Variants in HYDIN observed in about 807,000 individuals in gnomAD.
HYDIN encodes the protein HYDIN axonemal central pair apparatus protein.
A neutral mutation model predicts 403.9 loss-of-function variants in HYDIN; 132 were observed. The observed-to-expected ratio is 0.33, with a 90% CI of 0.28 to 0.38. The LOEUF (loss-of-function observed/expected upper bound fraction) is 0.38, where lower values mean the gene tolerates loss of function less well. Among genes scored for constraint, HYDIN ranks in the 10% least tolerant of loss-of-function variants. The pLI is 1.00. For synonymous variants in HYDIN, 1,202 were observed against 1,891.7 expected, an observed-to-expected ratio of 0.64 and a Z score of 9.46; for missense variants, 2,827 against 5,009.5, an observed-to-expected ratio of 0.56 and a Z score of 13.15.
chr16:71,030,244 G>C (rs923340333), intron 19 of HYDIN, among the ~76,000 whole-genome samples: 2 of 151,694 alleles, frequency 1.3e-5, no homozygotes, highest in South Asian at 2.1e-4. Context: ...AGATAGGGGG[G>C]TCTCCCTATG....
intron 1 of HYDIN, among the ~76,000 whole-genome samples, chr16:71,224,291 G>T (rs1459908308): frequency 6.6e-6 from 1 of 152,158 alleles, no homozygotes; most frequent in African/African-American, 2.4e-5. Context: ...CTCATTTGGG[G>T]AAGTCAGAAG....
chr16:70,843,728 T>C (rs1369797120), intron 75 of HYDIN, among the ~76,000 whole-genome samples: 18 of 40,684 alleles, frequency 4.4e-4, no homozygotes, highest in African/African-American at 2.4e-3. Context: ...TTTTAATGAT[T>C]GCCATTCTAA....
At chr16:70,981,236 C>T (rs1242635308) in intron 29 of HYDIN, among the ~76,000 whole-genome samples, 155 bp downstream of exon 29, 5 of 152,246 alleles carry the variant, frequency 3.3e-5, no homozygotes, top group Non-Finnish European at 5.9e-5. Context: ...TCGCAGTAAA[C>T]TCAGGTCACC....
intron 7 of HYDIN, among the ~76,000 whole-genome samples, chr16:71,148,504 T>C (rs560048195): frequency 1.3e-5 from 2 of 152,270 alleles, no homozygotes; most frequent in African/African-American, 4.8e-5. Flanking sequence ...AAGTCAGAAG[T>C]AAATTTAGCA....
chr16:70,878,460 A>G (rs1041033899), intron 62 of HYDIN, among the ~76,000 whole-genome samples: 1 of 133,998 alleles, frequency 7.5e-6, no homozygotes, highest in Admixed American at 7.5e-5. Flanking sequence ...TGTATAAACA[A>G]TAACAACAAC....
intron 30 of HYDIN, among the ~76,000 whole-genome samples, chr16:70,978,073 G>GGTAGC (rs2078938145): frequency 6.6e-6 from 1 of 151,944 alleles, no homozygotes; most frequent in South Asian, 2.1e-4. Flanking sequence ...CGCAGATGAT[G>GGTAGC]CACAGAAATC....
chr16:71,077,404 G>C (rs1228885141), intron 13 of HYDIN, among the ~76,000 whole-genome samples: 1 of 151,724 alleles, frequency 6.6e-6, no homozygotes, highest in Non-Finnish European at 1.5e-5. Flanking sequence ...ATATTTTCTA[G>C]TTAATCATTG....
chr16:70,928,571 G>A (rs1030737532), intron 45 of HYDIN, among the ~76,000 whole-genome samples: 1 of 146,924 alleles, frequency 6.8e-6, no homozygotes, highest in Admixed American at 6.9e-5. Context: ...TGATGGCTGA[G>A]GAAAATAAGA....
chr16:71,123,807 A>T (rs2084347250), intron 9 of HYDIN, among the ~76,000 whole-genome samples: 1 of 151,250 alleles, frequency 6.6e-6, no homozygotes, highest in South Asian at 2.1e-4. Context: ...TGATGGTTTT[A>T]TAATGGGAAA....
intron 6 of HYDIN, among the ~76,000 whole-genome samples, chr16:71,153,147 C>T (rs1460713545): frequency 6.7e-6 from 1 of 148,946 alleles, no homozygotes; most frequent in Non-Finnish European, 1.5e-5. Flanking sequence ...ACTGAGATTG[C>T]TGTAAGGAAC....
intron 29 of HYDIN, among the ~76,000 whole-genome samples, chr16:70,979,553 G>A (rs74024614): frequency 5.6e-4 from 86 of 152,306 alleles, no homozygotes; most frequent in African/African-American, 2.0e-3. Context: ...TAGGTAATCG[G>A]TGGAGAGATT....
chr16:71,224,602 C>T (rs540738305), intron 1 of HYDIN, among the ~76,000 whole-genome samples: 6 of 142,996 alleles, frequency 4.2e-5, no homozygotes, highest in African/African-American at 1.6e-4. Context: ...CGCTCTGTCG[C>T]CCAGGCTGGA....
chr16:70,990,123 C>T (rs201146177), intron 25 of HYDIN, among the ~76,000 whole-genome samples: 2 of 151,928 alleles, frequency 1.3e-5, no homozygotes, highest in Non-Finnish European at 2.9e-5. Flanking sequence ...TAGCTGGGGG[C>T]GATGTCTCAT....
intron 41 of HYDIN, among the ~76,000 whole-genome samples, 158 bp from the exon 42 acceptor site, chr16:70,944,107 C>CT (rs1338144677): frequency 6.6e-6 from 1 of 152,190 alleles, no homozygotes; most frequent in African/African-American, 2.4e-5. Flanking sequence ...CCCTGTCTTC[C>CT]TTAAAGAACC....
intron 62 of HYDIN, among the ~76,000 whole-genome samples, chr16:70,877,668 G>A (rs1286365677): frequency 6.6e-6 from 1 of 152,054 alleles, no homozygotes; most frequent in African/African-American, 2.4e-5. Context: ...ATCTAATGCC[G>A]CTGCTGATCT....
intron 1 of HYDIN, among the ~76,000 whole-genome samples, chr16:71,217,303 C>A (rs1301838188): frequency 6.6e-6 from 1 of 152,146 alleles, no homozygotes; most frequent in Non-Finnish European, 1.5e-5. Context: ...CAGACAAGTT[C>A]ATGAATACAG....
At chr16:71,061,815 G>T (rs2144272496) in intron 17 of HYDIN, among the ~76,000 whole-genome samples, 1 of 150,604 alleles carries the variant, frequency 6.6e-6, no homozygotes, top group East Asian at 2.0e-4. Context: ...CCTCCCCTCA[G>T]AGTTTCTGAT....
At chr16:70,886,162 C>A (rs1221033652) in intron 58 of HYDIN, among the ~76,000 whole-genome samples, 2 of 151,878 alleles carry the variant, frequency 1.3e-5, no homozygotes, top group Non-Finnish European at 2.9e-5. Context: ...CTCTGTGAAG[C>A]CTTCAATGAC....
intron 73 of HYDIN, 29 bp from the exon 74 acceptor site, chr16:70,850,684 C>A (rs1206347087): frequency 5.3e-6 from 8 of 1,503,106 alleles, no homozygotes; most frequent in Non-Finnish European, 7.3e-6. Flanking sequence ...AGCAGATTAC[C>A]TGACTAGGCC....
Sources: gnomAD v4.1 joint callset for allele counts (sites outside exome capture counted in the v4.1 genomes callset) on GRCh38, gnomAD v4.1.1 for gene constraint, MANE v1.5 for transcripts, NCBI Gene and HGNC (gene_info 2026-07-23, HGNC 2026-07-21) for gene names.